SLC38A4: variants seen among roughly 807,000 people sequenced by gnomAD.
SLC38A4 encodes solute carrier family 38 member 4, also known as sodium-coupled neutral amino acid transporter 4.
A neutral mutation model predicts 63.1 loss-of-function variants in SLC38A4; 20 were observed. The ratio of observed to expected loss-of-function variants is 0.32; its 90% CI spans 0.22 to 0.46. The LOEUF is 0.46. SLC38A4 is among the 20% of genes least tolerant of loss of function. The probability of loss-of-function intolerance (pLI) is 1.00; values close to 1 mark genes in which losing one functional copy is unlikely to be tolerated. For synonymous variants in SLC38A4, 230 were observed against 225.5 expected (o/e 1.02, Z -0.18); for missense variants, 526 against 663.6 (o/e 0.79, Z 2.28).
At chr12:46,817,631 T>C (rs1939466882) in intron 1 of SLC38A4, among the ~76,000 whole-genome samples, 1 of 151,982 alleles carries the variant, frequency 6.6e-6, no homozygotes, top group Middle Eastern at 3.4e-3. Flanking sequence ...GAGCCTCTTA[T>C]GTCTTCTAAG....
At chr12:46,798,636 A>G (rs576561511) in intron 2 of SLC38A4, among the ~76,000 whole-genome samples, 72 of 152,296 alleles carry the variant, frequency 4.7e-4, no homozygotes, top group South Asian at 3.5e-3. Context: ...GTATATTAAT[A>G]GGAACCTCAT....
intron 7 of SLC38A4, 94 bp from the exon 8 acceptor site, chr12:46,780,124 T>C (rs1938609636): frequency 1.1e-6 from 1 of 931,186 alleles, no homozygotes; most frequent in Admixed American, 1.9e-5. Context: ...GATGAACATC[T>C]AATCCCCCAA....
chr12:46,786,206 T>C (rs928886244), intron 5 of SLC38A4, among the ~76,000 whole-genome samples: 2 of 152,134 alleles, frequency 1.3e-5, no homozygotes, highest in Admixed American at 6.6e-5. Context: ...GATTATATAA[T>C]TTTGTTCCCT....
intron 5 of SLC38A4, among the ~76,000 whole-genome samples, chr12:46,785,964 T>TA (rs934923614): frequency 2.0e-5 from 3 of 152,058 alleles, no homozygotes. Flanking sequence ...TGTTTATTTT[T>TA]AAAAAATACA....
chr12:46,783,978 A>C (rs530908870), intron 7 of SLC38A4, among the ~76,000 whole-genome samples: 1 of 152,148 alleles, frequency 6.6e-6, no homozygotes, highest in East Asian at 1.9e-4. Context: ...TACACTGGAA[A>C]TGATAATTCA....
intron 16 of SLC38A4, 41 bp from the exon 17 acceptor site, chr12:46,766,843 A>G (rs753541095): frequency 5.8e-5 from 80 of 1,380,324 alleles, no homozygotes; most frequent in Admixed American, 3.7e-4. Flanking sequence ...CAGAAACCAT[A>G]CTTAGTACAA....
At chr12:46,793,421 G>T (rs905593719) in intron 2 of SLC38A4, among the ~76,000 whole-genome samples, 1 of 152,008 alleles carries the variant, frequency 6.6e-6, no homozygotes, top group Non-Finnish European at 1.5e-5. Flanking sequence ...GAGTGCCTAT[G>T]TATAATGAAA....
At chr12:46,820,837 T>C (rs750022697) in intron 1 of SLC38A4, among the ~76,000 whole-genome samples, 4 of 152,022 alleles carry the variant, frequency 2.6e-5, no homozygotes, top group Admixed American at 6.6e-5. Flanking sequence ...TTGCTAACAT[T>C]TGTTATCTTT....
chr12:46,794,977 C>T (rs536037520), intron 2 of SLC38A4, among the ~76,000 whole-genome samples: 2 of 151,452 alleles, frequency 1.3e-5, no homozygotes, highest in African/African-American at 4.8e-5. Flanking sequence ...GTAAGACATG[C>T]ATATGGGTAA....
chr12:46,781,301 G>C (rs1938633251), intron 7 of SLC38A4, among the ~76,000 whole-genome samples: 1 of 152,014 alleles, frequency 6.6e-6, no homozygotes, highest in African/African-American at 2.4e-5. Context: ...TACAATAGCG[G>C]ATGTACCTTC....
At chr12:46,805,175 G>T (rs2120871920) in intron 1 of SLC38A4, among the ~76,000 whole-genome samples, 1 of 151,962 alleles carries the variant, frequency 6.6e-6, no homozygotes, top group African/African-American at 2.4e-5. Context: ...TGTAAGCTTT[G>T]GCTTTGTTGT....
chr12:46,823,081 C>A (rs1203757200), intron 1 of SLC38A4, among the ~76,000 whole-genome samples: 1 of 152,164 alleles, frequency 6.6e-6, no homozygotes, highest in Non-Finnish European at 1.5e-5. Flanking sequence ...ACCCTCCCAT[C>A]ACCCTGTAAA....
At chr12:46,774,368 T>C (rs1016737946) in intron 14 of SLC38A4, among the ~76,000 whole-genome samples, 1 of 152,022 alleles carries the variant, frequency 6.6e-6, no homozygotes, top group African/African-American at 2.4e-5. Context: ...GACCTGTGTT[T>C]ATCCTTAGGT....
At chr12:46,800,127 A>G (rs954690204) in intron 2 of SLC38A4, among the ~76,000 whole-genome samples, 2 of 152,024 alleles carry the variant, frequency 1.3e-5, no homozygotes, top group African/African-American at 2.4e-5. Context: ...CATTCACCCA[A>G]CCACTCACTG....
chr12:46,824,327 T>C (rs1203139881), intron 1 of SLC38A4: 1 of 152,258 alleles, frequency 6.6e-6, no homozygotes, highest in Non-Finnish European at 1.5e-5. Flanking sequence ...CCTGTTCCTT[T>C]TCTCCTTTCC....
At chr12:46,813,187 G>C (rs1050111803) in intron 1 of SLC38A4, among the ~76,000 whole-genome samples, 1 of 151,884 alleles carries the variant, frequency 6.6e-6, no homozygotes, top group African/African-American at 2.4e-5. Flanking sequence ...ATATTCACAA[G>C]AGTTCTGTTG....
intron 2 of SLC38A4, among the ~76,000 whole-genome samples, chr12:46,796,262 C>CT (rs1401684805): frequency 4.6e-5 from 7 of 151,990 alleles, no homozygotes; most frequent in Admixed American, 1.3e-4. Context: ...TTTCATATCA[C>CT]TTTTTTTGTT....
At chr12:46,802,404 CT>C (rs1250829458) in intron 2 of SLC38A4, among the ~76,000 whole-genome samples, 1 of 151,872 alleles carries the variant, frequency 6.6e-6, no homozygotes, top group Non-Finnish European at 1.5e-5. Context: ...CTTTTTTCTT[CT>C]TCTTAGAATA....
chr12:46,796,170 C>T (rs545210948), intron 2 of SLC38A4, among the ~76,000 whole-genome samples: 2 of 152,166 alleles, frequency 1.3e-5, no homozygotes, highest in Admixed American at 6.6e-5. Flanking sequence ...CAGCTATATC[C>T]GTTTCATTTT....
Sources: allele counts gnomAD v4.1 joint callset (sites outside exome capture counted in the v4.1 genomes callset), GRCh38; gene constraint gnomAD v4.1.1; transcripts MANE v1.5; gene names NCBI Gene and HGNC (gene_info 2026-07-23, HGNC 2026-07-21).